The following FMNL2 variants were observed in gnomAD, a reference collection of about 807,000 sequenced individuals.
FMNL2 encodes formin like 2.
FMNL2 carries 51 observed loss-of-function variants against 130.2 expected under a neutral mutation model. That is an observed-to-expected ratio of 0.39 (90% CI 0.31 to 0.49). The LOEUF (loss-of-function observed/expected upper bound fraction) is 0.49. FMNL2 is among the 20% of genes least tolerant of loss of function. FMNL2 has a pLI of 0.85. For missense variants in FMNL2, 977 were observed against 1,316.2 expected (o/e 0.74, Z 3.99); for synonymous variants, 465 against 467.1 (o/e 1.00, Z 0.06).
At chr2:152,646,581 G>A (rs954758981) in intron 25 of FMNL2, among the ~76,000 whole-genome samples, 4 of 150,190 alleles carry the variant, frequency 2.7e-5, no homozygotes, top group Non-Finnish European at 5.9e-5. Flanking sequence ...CTGTACATGT[G>A]CGGGGGGTGG....
At chr2:152,533,892 T>C (rs1693845034) in intron 2 of FMNL2, among the ~76,000 whole-genome samples, 2 of 152,206 alleles carry the variant, frequency 1.3e-5, no homozygotes, top group South Asian at 4.1e-4. Flanking sequence ...TTTAAAATGT[T>C]TCCAATTTTT....
At chr2:152,603,172 C>T (rs1558999766) in intron 9 of FMNL2, among the ~76,000 whole-genome samples, 2 of 152,136 alleles carry the variant, frequency 1.3e-5, no homozygotes, top group East Asian at 1.9e-4. Flanking sequence ...TGGAATGTGT[C>T]AGGAAACACA....
At chr2:152,347,251 G>A (rs930657399) in intron 1 of FMNL2, among the ~76,000 whole-genome samples, 2 of 151,880 alleles carry the variant, frequency 1.3e-5, no homozygotes, top group African/African-American at 2.4e-5. Flanking sequence ...CTTTCTCAGC[G>A]GTCACACTTC....
Position 152,542,856 on chromosome 2 carries a change from C to T in FMNL2, c.282+37C>T, listed in dbSNP as rs773465760. The T allele has an allele frequency of 1.0e-5, 16 of 1,601,018 alleles. 1 individual carries two copies. The African/African-American group carries it at 2.1e-4, about 21-fold the overall frequency. Reference sequence around the variant, plus strand: ...TTGTTTCCACTCTTTGTTATTGCTTCCTTATTAGCGAGCAGAATCCTCCTG... The same window carrying T: ...TTGTTTCCACTCTTTGTTATTGCTTTCTTATTAGCGAGCAGAATCCTCCTG... On this transcript the variant is annotated intron_variant, in intron 3 of 25. Coordinates refer to ENST00000288670, the MANE Select transcript of FMNL2 (RefSeq NM_052905.4).
At chr2:152,421,316 A>T (rs951502326) in intron 1 of FMNL2, among the ~76,000 whole-genome samples, 1 of 152,174 alleles carries the variant, frequency 6.6e-6, no homozygotes. Context: ...CAAATTAATT[A>T]TCCTACTATA....
chr2:152,365,322 G>C (rs12151851), intron 1 of FMNL2, among the ~76,000 whole-genome samples: 1 of 151,880 alleles, frequency 6.6e-6, no homozygotes, highest in South Asian at 2.1e-4. Context: ...CGGTGGTATG[G>C]TGTGTTTTGA....
At chr2:152,418,512 A>G (rs1428012646) in intron 1 of FMNL2, among the ~76,000 whole-genome samples, 4 of 152,128 alleles carry the variant, frequency 2.6e-5, no homozygotes, top group Non-Finnish European at 4.4e-5. Context: ...GTCCCCATGA[A>G]TATGCCTATT....
chr2:152,624,513 G>C lies in FMNL2; in HGVS notation c.1838-925G>C, dbSNP rs188195405. Among the ~76,000 whole-genome samples, 296 of 151,776 alleles carry C rather than the reference G, an allele frequency of 2.0e-3. 2 individuals are homozygous for C. Among genetic ancestry groups the C allele is most frequent in the Non-Finnish European group, 3.1e-3 (210 of 67,936 alleles). ...TATTTTTAAGACAGAGTCTTGGTCT[G>C]TATGTACCCCTTTTTTCACTCTGTT... On this transcript the variant is annotated intron_variant, in intron 15 of 25. Transcript: ENST00000288670.
At chr2:152,380,489 A>G (rs894545683) in intron 1 of FMNL2, among the ~76,000 whole-genome samples, 1 of 152,202 alleles carries the variant, frequency 6.6e-6, no homozygotes, top group Admixed American at 6.5e-5. Flanking sequence ...AAAATGTTTC[A>G]CAATTTTGGC....
chr2:152,450,106 T>C (rs1688553339), intron 1 of FMNL2, among the ~76,000 whole-genome samples: 2 of 152,276 alleles, frequency 1.3e-5, no homozygotes, highest in South Asian at 4.1e-4. Flanking sequence ...ACTGAGAGCT[T>C]GGGGAATAAA....
At position 152,590,980 on chromosome 2, in the gene FMNL2, C is replaced by CTTTTTTTTTTTTTTTTTTTTTTT. The variant is rs1158391663; in HGVS notation, c.876+9953_876+9975dup. Among the ~76,000 whole-genome samples, 3 of 65,792 alleles carry CTTTTTTTTTTTTTTTTTTTTTTT rather than the reference C, an allele frequency of 4.6e-5. 1 individual carries two copies. The highest frequency in any genetic ancestry group is 7.8e-5 in the Non-Finnish European group (3 of 38,590). 43.2% of individuals were successfully genotyped at this position (65,792 alleles called of 152,430 possible). A position where few individuals can be genotyped will look rare whatever the true frequency, so the allele number is the denominator to read the frequency against. On this transcript the variant is annotated intron_variant, in intron 9 of 25. Coordinates refer to ENST00000288670, the MANE Select transcript of FMNL2 (RefSeq NM_052905.4). ...CAGAGTTAGATTTTCCCTCTGATAA[C>CTTTTTTTTTTTTTTTTTTTTTTT]TTTTTTTTTTTTTTTTTTTTTTTTT...
intron 2 of FMNL2, among the ~76,000 whole-genome samples, chr2:152,522,516 C>G (rs1231265929): frequency 6.6e-6 from 1 of 152,106 alleles, no homozygotes; most frequent in Admixed American, 6.5e-5. Flanking sequence ...TCTTGAATTC[C>G]CACATGTTAT....
intron 12 of FMNL2, among the ~76,000 whole-genome samples, chr2:152,615,355 A>G (rs910176037): frequency 6.6e-6 from 1 of 152,118 alleles, no homozygotes; most frequent in Admixed American, 6.5e-5. Flanking sequence ...TGAGGCGAAG[A>G]GGTATCTTCT....
intron 1 of FMNL2, among the ~76,000 whole-genome samples, chr2:152,366,790 AC>A (rs1165238424): frequency 6.6e-6 from 1 of 152,010 alleles, no homozygotes; most frequent in Admixed American, 6.5e-5. Flanking sequence ...ACACGGTGAA[AC>A]CCCATCTCTA....
At chr2:152,502,582 G>A (rs1482633222) in intron 1 of FMNL2, among the ~76,000 whole-genome samples, 1 of 152,210 alleles carries the variant, frequency 6.6e-6, no homozygotes, top group African/African-American at 2.4e-5. Context: ...AGCTACTCAG[G>A]AGGCTGAGGC....
intron 9 of FMNL2, among the ~76,000 whole-genome samples, 167 bp downstream of exon 9, chr2:152,581,216 C>G (rs1696760313): frequency 6.6e-6 from 1 of 152,100 alleles, no homozygotes; most frequent in Non-Finnish European, 1.5e-5. Context: ...AATTTGGTAT[C>G]TTATTTCTAG....
At chr2:152,492,173 A>G (rs532578953) in intron 1 of FMNL2, among the ~76,000 whole-genome samples, 111 of 152,272 alleles carry the variant, frequency 7.3e-4, no homozygotes, top group African/African-American at 2.6e-3. Flanking sequence ...ACTCACGGTC[A>G]TGGTATAATG....
intron 3 of FMNL2, among the ~76,000 whole-genome samples, chr2:152,544,848 T>G (rs1187214926): frequency 6.6e-6 from 1 of 152,180 alleles, no homozygotes; most frequent in Non-Finnish European, 1.5e-5. Context: ...GTTCCAATTT[T>G]CCTTTAGATC....
chr2:152,380,398 A>AT (rs1430199736), intron 1 of FMNL2, among the ~76,000 whole-genome samples: 1 of 152,230 alleles, frequency 6.6e-6, no homozygotes, highest in East Asian at 1.9e-4. Context: ...TCTGATCTTT[A>AT]TTAAGACAGC....
Sources: allele counts gnomAD v4.1 joint callset (sites outside exome capture counted in the v4.1 genomes callset), GRCh38; gene constraint gnomAD v4.1.1; transcripts MANE v1.5; gene names NCBI Gene and HGNC (gene_info 2026-07-23, HGNC 2026-07-21).